CNTNAP2: variants seen among roughly 807,000 people sequenced by gnomAD.
CNTNAP2 encodes contactin-associated protein-like 2.
In CNTNAP2, 98 loss-of-function variants were observed where a neutral mutation model predicts 155.2. That is an observed-to-expected ratio of 0.63 (90% CI 0.54 to 0.75). The LOEUF is 0.75. Ranked by LOEUF, CNTNAP2 falls within the 30% of genes least tolerant of loss-of-function variation. The pLI, the probability that CNTNAP2 is intolerant of heterozygous loss-of-function variation, is 0.00. For synonymous variants in CNTNAP2, 651 were observed against 631.2 expected, an observed-to-expected ratio of 1.03 and a Z score of -0.47; for missense variants, 1,727 against 1,688.1, an observed-to-expected ratio of 1.02 and a Z score of -0.40.
chr7:146,948,624 A>G (rs923253737), intron 3 of CNTNAP2, among the ~76,000 whole-genome samples: 1 of 152,198 alleles, frequency 6.6e-6, no homozygotes, highest in Non-Finnish European at 1.5e-5. Flanking sequence ...TATAAAATGT[A>G]TTTCCTTCAG....
At chr7:147,170,854 C>G (rs1802212382) in intron 8 of CNTNAP2, among the ~76,000 whole-genome samples, 1 of 152,178 alleles carries the variant, frequency 6.6e-6, no homozygotes, top group South Asian at 2.1e-4. Context: ...GGCTGACAGG[C>G]AGGCGGGGCT....
intron 3 of CNTNAP2, among the ~76,000 whole-genome samples, chr7:147,039,284 G>C (rs1177144445): frequency 1.3e-5 from 2 of 152,120 alleles, no homozygotes; most frequent in Non-Finnish European, 2.9e-5. Flanking sequence ...TGTGACAGGG[G>C]TTTGTTGTAC....
chr7:147,643,788 A>G (rs1292361606), intron 13 of CNTNAP2, among the ~76,000 whole-genome samples: 1 of 152,210 alleles, frequency 6.6e-6, no homozygotes, highest in Admixed American at 6.5e-5. Context: ...TTGGGGCTCT[A>G]TAGTTTCTAA....
intron 20 of CNTNAP2, among the ~76,000 whole-genome samples, chr7:148,235,474 A>T (rs73170568): frequency 0.044 from 6,626 of 152,228 alleles, 162 homozygotes; most frequent in Admixed American, 0.047. Context: ...TCCAGCAGTG[A>T]TGAAATTGTG....
chr7:147,640,210 C>T (rs1035329330), intron 13 of CNTNAP2, among the ~76,000 whole-genome samples: 8 of 151,876 alleles, frequency 5.3e-5, no homozygotes, highest in African/African-American at 1.9e-4. Flanking sequence ...CTAACATATG[C>T]CTTGCCTCAT....
At chr7:147,930,812 A>G (rs898157936) in intron 14 of CNTNAP2, among the ~76,000 whole-genome samples, 1 of 152,226 alleles carries the variant, frequency 6.6e-6, no homozygotes, top group Non-Finnish European at 1.5e-5. Context: ...ACAAGTTTCA[A>G]TAAACCTAAG....
At chr7:146,510,771 C>CT (rs1797453585) in intron 1 of CNTNAP2, among the ~76,000 whole-genome samples, 1 of 150,828 alleles carries the variant, frequency 6.6e-6, no homozygotes, top group Non-Finnish European at 1.5e-5. Context: ...TTCTTGATTT[C>CT]TTTTTCAGAT....
chr7:146,970,151 C>T (rs898225123), intron 3 of CNTNAP2, among the ~76,000 whole-genome samples: 58 of 152,228 alleles, frequency 3.8e-4, no homozygotes, highest in Middle Eastern at 3.4e-3. Context: ...TAGGCATGGG[C>T]AAGGACTTCA....
intron 9 of CNTNAP2, among the ~76,000 whole-genome samples, chr7:147,301,590 CTCTGTGTG>C (rs1204624013): frequency 0.055 from 6,052 of 110,852 alleles, 113 homozygotes; most frequent in African/African-American, 0.075. Flanking sequence ...CTCTCTCTCT[CTCTGTGTG>C]TGTGTGTGTG....
At chr7:146,312,567 T>G (rs1800842859) in intron 1 of CNTNAP2, among the ~76,000 whole-genome samples, 1 of 152,208 alleles carries the variant, frequency 6.6e-6, no homozygotes. Context: ...AATTTATCAC[T>G]TTTCTGTGGT....
intron 8 of CNTNAP2, among the ~76,000 whole-genome samples, chr7:147,174,606 G>A (rs1372528714): frequency 1.3e-5 from 2 of 152,108 alleles, no homozygotes; most frequent in Non-Finnish European, 2.9e-5. Context: ...TTATACATAT[G>A]CTTATGGTGA....
chr7:147,003,577 T>C (rs1294369784), intron 3 of CNTNAP2, among the ~76,000 whole-genome samples: 2 of 151,904 alleles, frequency 1.3e-5, no homozygotes, highest in Non-Finnish European at 2.9e-5. Context: ...ATAGAAAATA[T>C]TTAAAATTAA....
At chr7:147,831,094 C>T (rs931872462) in intron 13 of CNTNAP2, among the ~76,000 whole-genome samples, 2 of 151,952 alleles carry the variant, frequency 1.3e-5, no homozygotes, top group Non-Finnish European at 2.9e-5. Context: ...CACAAATATG[C>T]CTGGTAATAT....
intron 8 of CNTNAP2, among the ~76,000 whole-genome samples, chr7:147,238,714 G>T (rs1212386433): frequency 6.6e-6 from 1 of 152,118 alleles, no homozygotes. Flanking sequence ...TCATTTAGAT[G>T]TATTTCCAGT....
chr7:148,071,097 A>G (rs1267412545), intron 15 of CNTNAP2, among the ~76,000 whole-genome samples: 2 of 152,138 alleles, frequency 1.3e-5, no homozygotes, highest in Non-Finnish European at 2.9e-5. Context: ...CAAATGTAGA[A>G]CATCTTTTTG....
At position 147,886,148 on chromosome 7, in the gene CNTNAP2, AG is replaced by A. The variant is rs1799595225; in HGVS notation, c.2099-17416del. 2.6e-5 allele frequency among the ~76,000 whole-genome samples: 4 copies of A among 152,112 alleles called. No homozygotes were observed. In the South Asian group the frequency reaches 8.3e-4, roughly 32 times the overall value. On this transcript the variant is annotated intron_variant, in intron 13 of 23. Transcript: ENST00000361727. ...ACAGACTGTCCCATGCTCAGGCATC[AG>A]TTGTCACTGTGGATGACTCACAGAA...
chr7:148,220,905 G>C (rs1795737375), intron 19 of CNTNAP2, among the ~76,000 whole-genome samples: 1 of 152,072 alleles, frequency 6.6e-6, no homozygotes, highest in South Asian at 2.1e-4. Context: ...CTCCCACTGG[G>C]CAGATAAGAA....
intron 13 of CNTNAP2, among the ~76,000 whole-genome samples, chr7:147,666,604 G>A (rs1795700570): frequency 6.6e-6 from 1 of 152,176 alleles, no homozygotes; most frequent in Non-Finnish European, 1.5e-5. Context: ...CGTATTCAGT[G>A]TTATGCCAGC....
At chr7:146,993,089 G>A (rs1798239494) in intron 3 of CNTNAP2, among the ~76,000 whole-genome samples, 2 of 152,172 alleles carry the variant, frequency 1.3e-5, no homozygotes, top group South Asian at 2.1e-4. Context: ...AGGCAATAGA[G>A]CATGAGTAAA....
Sources: gnomAD v4.1 joint callset for allele counts (sites outside exome capture counted in the v4.1 genomes callset) on GRCh38, gnomAD v4.1.1 for gene constraint, MANE v1.5 for transcripts, NCBI Gene and HGNC (gene_info 2026-07-23, HGNC 2026-07-21) for gene names.